HSPA4L: variants seen among roughly 807,000 people sequenced by gnomAD.
HSPA4L encodes the protein heat shock 70 kDa protein 4L.
HSPA4L carries 48 observed loss-of-function variants against 100.3 expected under a neutral mutation model. The ratio of observed to expected loss-of-function variants is 0.48; its 90% CI spans 0.38 to 0.61. HSPA4L has a LOEUF of 0.61. Among genes scored for constraint, HSPA4L ranks in the 20% least tolerant of loss-of-function variants. The pLI, the probability that HSPA4L is intolerant of heterozygous loss-of-function variation, is 0.00. For missense variants in HSPA4L, 886 were observed against 988.6 expected (o/e 0.90, Z 1.39); for synonymous variants, 319 against 328.2 (o/e 0.97, Z 0.30).
chr4:127,811,456 T>C lies in HSPA4L; in HGVS notation c.1398T>C (p.Asn466=). 2.5e-6 allele frequency: 4 copies of C among 1,613,992 alleles called. No individual in the cohort carries two copies. The highest frequency in any genetic ancestry group is 3.4e-6 in the Non-Finnish European group (4 of 1,179,918). ...CTTAAGGGAGCTTCACTATTCAGAATGTTTTTCCACAGTCTGATGGTGATA... is the reference window on the plus strand; with the variant it reads ...CTTAAGGGAGCTTCACTATTCAGAACGTTTTTCCACAGTCTGATGGTGATA... ...DARIGSFTIQ[N]VFPQSDGDSS... The change falls in exon 12 of 19, where the codon AAT becomes AAC. Residue 466 remains asparagine, a synonymous_variant. Coordinates refer to ENST00000296464, the MANE Select transcript of HSPA4L (RefSeq NM_014278.4).
At chr4:127,817,976 T>C (rs1733715106) in intron 12 of HSPA4L, among the ~76,000 whole-genome samples, 1 of 152,192 alleles carries the variant, frequency 6.6e-6, no homozygotes, top group African/African-American at 2.4e-5. Flanking sequence ...TAGGTATTTC[T>C]CGTAATGCTA....
At chr4:127,827,218 C>T in intron 16 of HSPA4L, 87 bp from the exon 17 acceptor site, 1 of 1,070,084 alleles carries the variant, frequency 9.3e-7, no homozygotes, top group Non-Finnish European at 1.4e-6. Flanking sequence ...ATCTTTTCTT[C>T]CTATTTATCA....
chr4:127,822,682 G>A, intron 14 of HSPA4L, 87 bp from the exon 15 acceptor site: 5 of 1,246,836 alleles, frequency 4.0e-6, no homozygotes, highest in South Asian at 1.4e-5. Context: ...AATCATCCTA[G>A]TGAGTGTGAA....
At position 127,835,323 on chromosome 4, in the gene HSPA4L, C is replaced by T. The variant is rs1734178971; in HGVS notation, c.*2449C>T. The T allele has an allele frequency of 6.6e-6, 1 of 152,108 alleles. No homozygotes were observed. The highest frequency in any genetic ancestry group is 2.1e-4 in the South Asian group (1 of 4,824). 9.4% of individuals were successfully genotyped at this position (152,108 alleles called of 1,614,324 possible). A position where few individuals can be genotyped will look rare whatever the true frequency, so the allele number is the denominator to read the frequency against. On this transcript the variant is annotated 3_prime_UTR_variant, in exon 19 of 19. Coordinates refer to ENST00000296464, the MANE Select transcript of HSPA4L (RefSeq NM_014278.4). ...TAAATTGTGGTTTTAGAAACCAACT[C>T]TTGATAGTTGTACTGTGATTATAAA...
chr4:127,789,382 C>G (rs1175763568), intron 1 of HSPA4L, among the ~76,000 whole-genome samples: 1 of 152,138 alleles, frequency 6.6e-6, no homozygotes, highest in Non-Finnish European at 1.5e-5. Flanking sequence ...CACGGTGGCT[C>G]ACGCCTGTAA....
chr4:127,799,856 A>C (rs1733126718), intron 4 of HSPA4L, among the ~76,000 whole-genome samples: 2 of 152,202 alleles, frequency 1.3e-5, no homozygotes, highest in Non-Finnish European at 2.9e-5. Flanking sequence ...ATGAATATTA[A>C]ATGAACCATG....
chr4:127,827,480 G>A, intron 17 of HSPA4L, 56 bp downstream of exon 17: 1 of 1,591,260 alleles, frequency 6.3e-7, no homozygotes, highest in Non-Finnish European at 8.6e-7. Context: ...TACATAGAAT[G>A]GGGCAAATCT....
At chr4:127,809,549 G>A (rs534281994) in intron 11 of HSPA4L, 1 of 737,782 alleles carries the variant, frequency 1.4e-6, no homozygotes, top group South Asian at 1.5e-5. Context: ...AGTGCTAGAT[G>A]AACTGTGACT....
At chr4:127,813,958 T>A (rs1733608647) in intron 12 of HSPA4L, among the ~76,000 whole-genome samples, 1 of 152,184 alleles carries the variant, frequency 6.6e-6, no homozygotes, top group African/African-American at 2.4e-5. Flanking sequence ...TATCTTTTTT[T>A]AAGTATTTCT....
chr4:127,792,687 A>C (rs1238057214), intron 1 of HSPA4L, among the ~76,000 whole-genome samples: 1 of 152,222 alleles, frequency 6.6e-6, no homozygotes, highest in Non-Finnish European at 1.5e-5. Context: ...TCTGGTACTG[A>C]GATACAGTCA....
At position 127,813,501 on chromosome 4, in the gene HSPA4L, ATAAT is replaced by A. The variant is rs549442349; in HGVS notation, c.1578+1867_1578+1870del. The A allele has an allele frequency of 2.1e-3, 504 of 234,914 alleles. 5 individuals are homozygous for A. The highest frequency in any genetic ancestry group is 0.011 in the African/African-American group (482 of 43,746). The allele number at this position is 234,914 out of a possible 1,614,324, so 14.6% of individuals were successfully genotyped here. A position where few individuals can be genotyped will look rare whatever the true frequency, so the allele number is the denominator to read the frequency against. ...GTACAGTTTTTCATAAATTAACATA[ATAAT>A]TGGTGAAAAGTTAATATTTTAAATT... On this transcript the variant is annotated intron_variant, in intron 12 of 18. Transcript: ENST00000296464.
Position 127,832,734 on chromosome 4 carries a change from G to C in HSPA4L, c.2380G>C (p.Glu794Gln). Residue 794 changes from glutamate (E) to glutamine (Q), a missense_variant, in exon 19 of 19, where the codon GAA becomes CAA. Coordinates refer to ENST00000296464, the MANE Select transcript of HSPA4L (RefSeq NM_014278.4). ...CATTTACAAGCCCAAACCAAAAGCA[G>C]AAGTTCCTGAAGACAAACCAAAAGC... ...PIIYKPKPKA[E>Q]VPEDKPKANS... 6.2e-7 allele frequency: 1 copy of C among 1,612,966 alleles called. No individual in the cohort carries two copies. The highest frequency in any genetic ancestry group is 8.5e-7 in the Non-Finnish European group (1 of 1,179,424).
intron 12 of HSPA4L, among the ~76,000 whole-genome samples, chr4:127,815,912 G>GAGT (rs1733659739): frequency 6.6e-6 from 1 of 152,218 alleles, no homozygotes; most frequent in Non-Finnish European, 1.5e-5. Flanking sequence ...TAAGGGTAAG[G>GAGT]AGTAGATAGG....
At chr4:127,813,396 T>C in intron 12 of HSPA4L, 1 of 505,552 alleles carries the variant, frequency 2.0e-6, no homozygotes, top group Non-Finnish European at 3.5e-6. Flanking sequence ...GCTTTTTCTT[T>C]CAATCTTTCC....
In HSPA4L at chr4:127,822,780, C is replaced by G. The variant is rs1183073172; in HGVS notation, c.1824C>G (p.Ile608Met). Reference protein sequence around the residue: ...NSYIENEGKMIMQDKLEKERN... With the variant: ...NSYIENEGKMMMQDKLEKERN... ...AGCTTTTTGAATAGGGGAAGATGATCATGCAAGATAAGTTAGAGAAAGAAA... is the reference window on the plus strand; with the variant it reads ...AGCTTTTTGAATAGGGGAAGATGATGATGCAAGATAAGTTAGAGAAAGAAA... Residue 608 changes from isoleucine to methionine, a missense_variant, in exon 15 of 19, where the codon ATC becomes ATG. Coordinates refer to ENST00000296464, the MANE Select transcript of HSPA4L (RefSeq NM_014278.4). The G allele has an allele frequency of 3.1e-6, 5 of 1,613,184 alleles. No homozygotes were observed. Among genetic ancestry groups the G allele is most frequent in the African/African-American group, 1.3e-5 (1 of 74,844 alleles).
At chr4:127,821,279 T>G (rs981826921) in intron 14 of HSPA4L, among the ~76,000 whole-genome samples, 35 of 152,228 alleles carry the variant, frequency 2.3e-4, no homozygotes, top group African/African-American at 8.2e-4. Flanking sequence ...AATTTGTGTG[T>G]CTTGAGAAAA....
At chr4:127,831,862 T>A (rs1047885120) in intron 18 of HSPA4L, among the ~76,000 whole-genome samples, 3 of 152,072 alleles carry the variant, frequency 2.0e-5, no homozygotes, top group Non-Finnish European at 2.9e-5. Context: ...TTTTCTTTTT[T>A]TTTAACAAAA....
rs1733321415 is a variant in HSPA4L at position 127,805,317 on chromosome 4, C to T, written c.1137+93C>T. ...CTTTTAATGTTATCTGTTCCATCCA[C>T]TTATCAATAAGCTAAAGTAAATTGA... On this transcript the variant is annotated intron_variant, in intron 9 of 18. Transcript: ENST00000296464. 4 of 889,168 alleles carry T rather than the reference C, an allele frequency of 4.5e-6. No homozygotes were observed. The South Asian group carries it at 6.8e-5, about 15-fold the overall frequency. The allele number at this position is 889,168 out of a possible 1,614,324, so 55.1% of individuals were successfully genotyped here.
intron 1 of HSPA4L, 40 bp downstream of exon 1, chr4:127,782,697 C>G (rs763160020): frequency 7.0e-7 from 1 of 1,422,854 alleles, no homozygotes; most frequent in South Asian, 1.2e-5. Context: ...CCCTAAGAAA[C>G]GTTTTTCTCT....
Sources: gnomAD v4.1 joint callset for allele counts (sites outside exome capture counted in the v4.1 genomes callset) on GRCh38, gnomAD v4.1.1 for gene constraint, MANE v1.5 for transcripts, NCBI Gene and HGNC (gene_info 2026-07-23, HGNC 2026-07-21) for gene names.